Variants in PDE1C observed in about 807,000 individuals in gnomAD.
The protein encoded by PDE1C is phosphodiesterase 1C.
Under a neutral mutation model 93.1 loss-of-function variants are expected in PDE1C, and 62 were observed. That is an observed-to-expected ratio of 0.67 (90% CI 0.54 to 0.82). The LOEUF is 0.82. Among genes scored for constraint, PDE1C ranks in the 40% least tolerant of loss-of-function variants. The pLI is 0.00. For synonymous variants in PDE1C, 325 were observed against 310.1 expected (o/e 1.05, Z -0.50); for missense variants, 742 against 884.6 (o/e 0.84, Z 2.04).
At chr7:32,420,158 C>T (rs1367406193) in intron 1 of PDE1C, among the ~76,000 whole-genome samples, 9 of 40,142 alleles carry the variant, frequency 2.2e-4, no homozygotes, top group East Asian at 1.1e-3. Context: ...CACACACACA[C>T]ATATATATGT....
chr7:31,948,330 G>T (rs905517427), intron 2 of PDE1C, among the ~76,000 whole-genome samples: 12 of 152,172 alleles, frequency 7.9e-5, no homozygotes, highest in Non-Finnish European at 1.5e-4. Context: ...TAGCTGGTTG[G>T]CAACCAGGAA....
chr7:31,946,222 A>G (rs921859800), intron 2 of PDE1C, among the ~76,000 whole-genome samples: 2 of 152,116 alleles, frequency 1.3e-5, no homozygotes, highest in Admixed American at 1.3e-4. Context: ...GAGTTTTGGG[A>G]AAAAAGCTGA....
intron 2 of PDE1C, among the ~76,000 whole-genome samples, chr7:31,960,557 G>A (rs1808800212): frequency 6.6e-6 from 1 of 152,178 alleles, no homozygotes; most frequent in African/African-American, 2.4e-5. Context: ...TCATTGTACA[G>A]TGATTATGTT....
intron 3 of PDE1C, among the ~76,000 whole-genome samples, chr7:32,130,492 A>G (rs574016779): frequency 6.6e-6 from 1 of 152,036 alleles, no homozygotes; most frequent in African/African-American, 2.4e-5. Flanking sequence ...GAGCTAGGAT[A>G]CTCAGGTACT....
intron 1 of PDE1C, among the ~76,000 whole-genome samples, chr7:32,344,892 A>T (rs1783823367): frequency 6.6e-6 from 1 of 152,170 alleles, no homozygotes; most frequent in Non-Finnish European, 1.5e-5. Flanking sequence ...AAACTAGTGG[A>T]GAGATATTAA....
downstream of PDE1C, among the ~76,000 whole-genome samples, chr7:31,749,751 TA>T (rs67641818): frequency 0.013 from 1,966 of 146,062 alleles, 89 homozygotes; most frequent in South Asian, 0.043. Context: ...TTTTTTTTTT[TA>T]TTTGAGACAG....
chr7:31,688,417 G>A, the PDE1C span, among the ~76,000 whole-genome samples: 4 of 152,158 alleles, frequency 2.6e-5, no homozygotes, highest in Non-Finnish European at 4.4e-5. Flanking sequence ...TGAGAAAACC[G>A]CTCAATGATA....
chr7:31,703,019 T>C, the PDE1C span, among the ~76,000 whole-genome samples: 1 of 152,246 alleles, frequency 6.6e-6, no homozygotes, highest in Non-Finnish European at 1.5e-5. Flanking sequence ...TGCTCCATAC[T>C]AGCTTTGTGA....
At chr7:31,925,964 C>T (rs950347189) in intron 2 of PDE1C, among the ~76,000 whole-genome samples, 13 of 152,068 alleles carry the variant, frequency 8.5e-5, no homozygotes, top group African/African-American at 3.1e-4. Flanking sequence ...GTTTTTAATC[C>T]CTTTCTCTTC....
At chr7:32,299,962 T>C (rs1812841758), upstream of PDE1C, among the ~76,000 whole-genome samples, 1 of 152,224 alleles carries the variant, frequency 6.6e-6, no homozygotes, top group South Asian at 2.1e-4. Flanking sequence ...ATTTTTGTGA[T>C]GAAATTTGAC....
At chr7:32,329,491 C>T (rs993447775) in intron 1 of PDE1C, among the ~76,000 whole-genome samples, 1 of 152,204 alleles carries the variant, frequency 6.6e-6, no homozygotes, top group Non-Finnish European at 1.5e-5. Flanking sequence ...CCTCAGACTC[C>T]TGCTCCCTGC....
At chr7:31,876,543 A>G (rs1796610624) in intron 5 of PDE1C, among the ~76,000 whole-genome samples, 1 of 152,186 alleles carries the variant, frequency 6.6e-6, no homozygotes, top group African/African-American at 2.4e-5. Flanking sequence ...TCTTGTATTT[A>G]TGTTCCCGAT....
intron 3 of PDE1C, among the ~76,000 whole-genome samples, chr7:32,153,441 C>A (rs1384453465): frequency 6.6e-6 from 1 of 152,046 alleles, no homozygotes; most frequent in Non-Finnish European, 1.5e-5. Flanking sequence ...AGAGGCAGCA[C>A]CCGTCAAGGC....
chr7:32,108,228 G>GAC (rs1554504649), intron 3 of PDE1C, among the ~76,000 whole-genome samples: 1 of 9,998 alleles, frequency 1.0e-4, no homozygotes, highest in Non-Finnish European at 2.0e-4. Context: ...AAAAAAGCAA[G>GAC]ACAAAAAAAA....
chr7:32,414,487 G>C (rs1785233455), intron 1 of PDE1C, among the ~76,000 whole-genome samples: 1 of 152,186 alleles, frequency 6.6e-6, no homozygotes, highest in Non-Finnish European at 1.5e-5. Context: ...GCTATCTTTA[G>C]CTGGTGAGTT....
intron 2 of PDE1C, among the ~76,000 whole-genome samples, chr7:32,196,222 A>G (rs1804605335): frequency 1.3e-5 from 2 of 152,170 alleles, no homozygotes; most frequent in Admixed American, 6.5e-5. Flanking sequence ...GTGGACATCC[A>G]GGTTTCCCAG....
chr7:32,360,483 CG>C (rs5883342), intron 1 of PDE1C, among the ~76,000 whole-genome samples: 114,533 of 152,078 alleles, frequency 0.75, 44,764 homozygotes, highest in East Asian at 0.86. Flanking sequence ...CAAAGGGAAG[CG>C]GTGGAGAGTG....
intron 2 of PDE1C, among the ~76,000 whole-genome samples, chr7:31,932,486 A>T (rs1040436632): frequency 6.6e-6 from 1 of 152,244 alleles, no homozygotes; most frequent in African/African-American, 2.4e-5. Flanking sequence ...AGTGGTCATT[A>T]GAGAAATGAA....
chr7:31,768,697 A>T (rs1022173775), intron 17 of PDE1C, among the ~76,000 whole-genome samples: 2 of 152,102 alleles, frequency 1.3e-5, no homozygotes, highest in African/African-American at 4.8e-5. Flanking sequence ...AGTCACTCAA[A>T]TTTACCAACA....
Sources: allele counts gnomAD v4.1 joint callset (sites outside exome capture counted in the v4.1 genomes callset), GRCh38; gene constraint gnomAD v4.1.1; transcripts MANE v1.5; gene names NCBI Gene and HGNC (gene_info 2026-07-23, HGNC 2026-07-21).